Variants in RORA observed in about 807,000 individuals in gnomAD.
RORA encodes RAR related orphan receptor A, also known as nuclear receptor ROR-alpha.
In RORA, 7 loss-of-function variants were observed where a neutral mutation model predicts 69.5. The observed-to-expected ratio is 0.10, with a 90% CI of 0.06 to 0.19. The LOEUF (loss-of-function observed/expected upper bound fraction) is 0.19. Among genes scored for constraint, RORA ranks in the 10% least tolerant of loss-of-function variants. The pLI is 1.00. For synonymous variants in RORA, 261 were observed against 240.8 expected (o/e 1.08, Z -0.78); for missense variants, 457 against 663.0 (o/e 0.69, Z 3.41).
intron 1 of RORA, among the ~76,000 whole-genome samples, chr15:60,690,043 A>G (rs1157568198): frequency 6.6e-6 from 1 of 152,182 alleles, no homozygotes; most frequent in Non-Finnish European, 1.5e-5. Flanking sequence ...AGTTTGTGGC[A>G]CTTTGTTACC....
chr15:60,634,762 T>C (rs2069806425), intron 2 of RORA, among the ~76,000 whole-genome samples: 1 of 152,164 alleles, frequency 6.6e-6, no homozygotes, highest in Admixed American at 6.5e-5. Context: ...CAGGTAATTT[T>C]CCCCCTAGCC....
At position 60,798,142 on chromosome 15, in the gene RORA, C is replaced by A. The variant is rs528829005; in HGVS notation, c.167-119456G>T. ...AATTATTATACATGAGAAAAAAAAA[C>A]TTAATTAATGTGTGAGCCCCAAACA... On this transcript the variant is annotated intron_variant, in intron 1 of 10. Coordinates refer to ENST00000335670, the MANE Select transcript of RORA (RefSeq NM_134261.3). Among the ~76,000 whole-genome samples the A allele has an allele frequency of 8.4e-4, 127 of 151,066 alleles. 1 individual carries two copies. The highest frequency in any genetic ancestry group is 1.3e-3 in the Non-Finnish European group (90 of 67,816).
intron 2 of RORA, among the ~76,000 whole-genome samples, chr15:60,539,476 T>G (rs760489912): frequency 3.5e-4 from 53 of 152,194 alleles, no homozygotes; most frequent in Non-Finnish European, 7.1e-4. Context: ...GAACAGTGGG[T>G]GGCTTTTTTA....
chr15:61,071,213 A>T (rs2078338013), intron 1 of RORA, among the ~76,000 whole-genome samples: 1 of 72,500 alleles, frequency 1.4e-5, no homozygotes, highest in African/African-American at 5.9e-5. Context: ...GGATTTGAAA[A>T]AGGGGAGGGG....
chr15:60,600,914 A>T (rs1309456310), intron 2 of RORA: 1 of 152,192 alleles, frequency 6.6e-6, no homozygotes, highest in Non-Finnish European at 1.5e-5. Flanking sequence ...TGCTCTTTTT[A>T]AAAATCATTT....
intron 1 of RORA, among the ~76,000 whole-genome samples, chr15:60,810,925 T>C (rs1238309369): frequency 3.9e-5 from 6 of 152,242 alleles, no homozygotes; most frequent in Non-Finnish European, 8.8e-5. Context: ...GGCCATTTCC[T>C]TGGGGAGCCA....
intron 1 of RORA, among the ~76,000 whole-genome samples, chr15:61,222,545 T>C (rs189216517): frequency 7.9e-4 from 120 of 152,334 alleles, no homozygotes; most frequent in African/African-American, 2.7e-3. Flanking sequence ...ATCTCCTTGA[T>C]GTCTTTGCTC....
chr15:60,933,402 C>T (rs1209162058), intron 1 of RORA, among the ~76,000 whole-genome samples: 1 of 152,174 alleles, frequency 6.6e-6, no homozygotes, highest in Non-Finnish European at 1.5e-5. Flanking sequence ...CTTGAGATGC[C>T]CTCTCCTTGC....
Position 60,505,616 on chromosome 15 carries a change from C to T in RORA, c.834G>A (p.Gln278=), listed in dbSNP as rs776916564. Residue 278 remains glutamine, a synonymous_variant, in exon 6 of 11, where the codon CAG becomes CAA. Transcript: ENST00000335670. Reference sequence around the variant, plus strand: ...TTTCCAGATGCGATTTAGATATATTCTGTGCAAGGTGTTCTAAGGAGAAAA... The same window carrying T: ...TTTCCAGATGCGATTTAGATATATTTTGTGCAAGGTGTTCTAAGGAGAAAA... ...VSMAELEHLA[Q]NISKSHLETC... 1.2e-6 allele frequency: 2 copies of T among 1,613,860 alleles called. No individual in the cohort carries two copies. Among genetic ancestry groups the T allele is most frequent in the African/African-American group, 1.3e-5 (1 of 74,904 alleles).
intron 1 of RORA, among the ~76,000 whole-genome samples, chr15:61,073,051 C>T (rs1394549952): frequency 3.3e-5 from 5 of 152,192 alleles, no homozygotes; most frequent in Non-Finnish European, 5.9e-5. Flanking sequence ...GTCCACTTTT[C>T]GCCACCATCA....
At chr15:61,013,059 AT>A (rs1895140719) in intron 1 of RORA, among the ~76,000 whole-genome samples, 2 of 152,348 alleles carry the variant, frequency 1.3e-5, no homozygotes, top group South Asian at 4.1e-4. Flanking sequence ...CATGTCTTCA[AT>A]TTACTTCATG....
chr15:60,805,006 T>C (rs1595728388), intron 1 of RORA, among the ~76,000 whole-genome samples: 1 of 152,318 alleles, frequency 6.6e-6, no homozygotes, highest in Middle Eastern at 3.4e-3. Flanking sequence ...GGAAAATGGC[T>C]TCCCAGACAC....
intron 2 of RORA, among the ~76,000 whole-genome samples, chr15:60,556,082 T>C (rs1347126067): frequency 1.3e-5 from 2 of 152,128 alleles, no homozygotes; most frequent in South Asian, 2.1e-4. Context: ...GAAAGAGCAA[T>C]AGTCCCTCTA....
At chr15:61,225,297 T>A (rs1567044843) in intron 1 of RORA, among the ~76,000 whole-genome samples, 1 of 152,168 alleles carries the variant, frequency 6.6e-6, no homozygotes, top group Non-Finnish European at 1.5e-5. Context: ...CATCATTTGT[T>A]CACTGTGGCG....
At chr15:61,003,669 T>A (rs1894816978) in intron 1 of RORA, among the ~76,000 whole-genome samples, 1 of 152,210 alleles carries the variant, frequency 6.6e-6, no homozygotes, top group African/African-American at 2.4e-5. Context: ...TAAAGTCTAT[T>A]TCATGTCCTT....
At chr15:61,073,251 G>A (rs1271178951) in intron 1 of RORA, among the ~76,000 whole-genome samples, 1 of 152,226 alleles carries the variant, frequency 6.6e-6, no homozygotes, top group Non-Finnish European at 1.5e-5. Flanking sequence ...TGTGAGGCAA[G>A]GTAGAGGGCA....
chr15:60,529,776 G>C (rs2033721), intron 3 of RORA: 43,053 of 152,106 alleles, frequency 0.28, 6,990 homozygotes, highest in African/African-American at 0.43. Flanking sequence ...ATAGCATGTT[G>C]TTAATTAATC....
At chr15:60,744,980 TC>T (rs1015322487) in intron 1 of RORA, among the ~76,000 whole-genome samples, 2 of 152,196 alleles carry the variant, frequency 1.3e-5, no homozygotes, top group Non-Finnish European at 2.9e-5. Flanking sequence ...TTCTCTTGAA[TC>T]CAGCCTATGC....
At chr15:60,577,372 G>C (rs1161830910) in intron 2 of RORA, among the ~76,000 whole-genome samples, 1 of 152,158 alleles carries the variant, frequency 6.6e-6, no homozygotes, top group Non-Finnish European at 1.5e-5. Flanking sequence ...GGCCTGGTGT[G>C]GTGGCTCACG....
Sources: gnomAD v4.1 joint callset for allele counts (sites outside exome capture counted in the v4.1 genomes callset) on GRCh38, gnomAD v4.1.1 for gene constraint, MANE v1.5 for transcripts, NCBI Gene and HGNC (gene_info 2026-07-23, HGNC 2026-07-21) for gene names.